Variants in MCTP2 observed in about 807,000 individuals in gnomAD.
MCTP2 encodes multiple C2 and transmembrane domain-containing protein 2.
In MCTP2, 132 loss-of-function variants were observed where a neutral mutation model predicts 111.6. The ratio of observed to expected loss-of-function variants is 1.18; its 90% CI spans 1.03 to 1.37. MCTP2 has a LOEUF of 1.37. MCTP2 is among the 40% of genes most tolerant of loss of function. The pLI, the probability that MCTP2 is intolerant of heterozygous loss-of-function variation, is 0.00. For synonymous variants in MCTP2, 395 were observed against 387.7 expected (o/e 1.02, Z -0.22); for missense variants, 1,183 against 1,067.9 (o/e 1.11, Z -1.50).
chr15:94,410,086 T>C (rs921176034), intron 17 of MCTP2, among the ~76,000 whole-genome samples: 5 of 152,120 alleles, frequency 3.3e-5, no homozygotes, highest in African/African-American at 1.2e-4. Context: ...GTCATAAGCA[T>C]GGAAATATTT....
intron 14 of MCTP2, among the ~76,000 whole-genome samples, chr15:94,396,143 ATTAT>A (rs1237725552): frequency 1.3e-5 from 2 of 152,186 alleles, no homozygotes; most frequent in Non-Finnish European, 2.9e-5. Context: ...TAAAGACATC[ATTAT>A]TTTATCCAAG....
At chr15:94,278,258 C>G (rs1456979431) in intron 1 of MCTP2, 1 of 152,140 alleles carries the variant, frequency 6.6e-6, no homozygotes, top group Non-Finnish European at 1.5e-5. Context: ...AGTATCAACA[C>G]TTATGGTAAA....
chr15:94,392,750 A>G (rs993471613), intron 14 of MCTP2, among the ~76,000 whole-genome samples: 1 of 152,006 alleles, frequency 6.6e-6, no homozygotes, highest in Non-Finnish European at 1.5e-5. Context: ...TGGGAGACGG[A>G]GGTTGCAGTG....
intron 9 of MCTP2, among the ~76,000 whole-genome samples, chr15:94,357,158 G>C (rs959238783): frequency 6.6e-6 from 1 of 152,156 alleles, no homozygotes; most frequent in Non-Finnish European, 1.5e-5. Context: ...GGAGGCAAGA[G>C]GTTGTGCGCA....
At chr15:94,357,533 A>C (rs1461675492) in intron 9 of MCTP2, among the ~76,000 whole-genome samples, 1 of 151,340 alleles carries the variant, frequency 6.6e-6, no homozygotes, top group African/African-American at 2.4e-5. Flanking sequence ...TTGTGGTCTA[A>C]CAGGGCTTTT....
intron 1 of MCTP2, among the ~76,000 whole-genome samples, chr15:94,249,604 G>A (rs1335360783): frequency 6.6e-6 from 1 of 151,822 alleles, no homozygotes; most frequent in African/African-American, 2.4e-5. Flanking sequence ...TCCTGCCTCA[G>A]CCTCTTGAGT....
intron 13 of MCTP2, among the ~76,000 whole-genome samples, chr15:94,384,915 C>T (rs925508627): frequency 6.6e-6 from 1 of 152,138 alleles, no homozygotes; most frequent in African/African-American, 2.4e-5. Context: ...TTCATTGTCC[C>T]TGGTATCTGG....
chr15:94,471,260 C>G (rs527473251), intron 21 of MCTP2, among the ~76,000 whole-genome samples: 1 of 152,060 alleles, frequency 6.6e-6, no homozygotes, highest in Non-Finnish European at 1.5e-5. Flanking sequence ...CTATGACTGC[C>G]GATGAATTCT....
In MCTP2 at chr15:94,332,123, A is replaced by G. The variant is rs539005898; in HGVS notation, c.638-7167A>G. Among the ~76,000 whole-genome samples, 154 of 152,284 alleles carry G rather than the reference A, an allele frequency of 1.0e-3. 1 individual carries two copies. Among genetic ancestry groups the G allele is most frequent in the African/African-American group, 3.5e-3 (147 of 41,548 alleles). On this transcript the variant is annotated intron_variant, in intron 4 of 22. Transcript: ENST00000357742. ...ATGGGAGAAGTTCCTTCTTTCTCAG[A>G]TGGCCGAGGAAAAATGTCCTGTAAA...
chr15:94,404,178 T>TG (rs2081770640), intron 17 of MCTP2, among the ~76,000 whole-genome samples: 1 of 152,066 alleles, frequency 6.6e-6, no homozygotes, highest in African/African-American at 2.4e-5. Flanking sequence ...TATTAAAAGT[T>TG]GTTTTTTTAT....
chr15:94,476,836 A>T (rs755666240), intron 22 of MCTP2, 43 bp downstream of exon 22: 1 of 1,158,406 alleles, frequency 8.6e-7, no homozygotes, highest in Non-Finnish European at 1.3e-6. Flanking sequence ...CCCAACCTGA[A>T]ATCTGGCCAG....
At chr15:94,285,656 T>C (rs1157718357) in intron 1 of MCTP2, among the ~76,000 whole-genome samples, 1 of 152,220 alleles carries the variant, frequency 6.6e-6, no homozygotes, top group East Asian at 1.9e-4. Context: ...AAAGTGGATG[T>C]GTAAGTGTCT....
intron 1 of MCTP2, among the ~76,000 whole-genome samples, chr15:94,279,515 A>C (rs760529550): frequency 6.6e-6 from 1 of 152,088 alleles, no homozygotes; most frequent in African/African-American, 2.4e-5. Flanking sequence ...GGCTTTGAGC[A>C]GGGACTATGG....
chr15:94,345,021 C>G, intron 7 of MCTP2, 108 bp from the exon 8 acceptor site: 1 of 1,260,062 alleles, frequency 7.9e-7, no homozygotes, highest in Admixed American at 2.0e-5. Context: ...TATTAATTAT[C>G]TGAATGTAAC....
intron 2 of MCTP2, among the ~76,000 whole-genome samples, chr15:94,304,037 T>A (rs1057354944): frequency 2.0e-5 from 3 of 152,242 alleles, no homozygotes; most frequent in Non-Finnish European, 2.9e-5. Context: ...AGACATGTAC[T>A]AACTGTCCAG....
At chr15:94,274,976 A>C (rs1205969747) in intron 1 of MCTP2, among the ~76,000 whole-genome samples, 1 of 152,212 alleles carries the variant, frequency 6.6e-6, no homozygotes, top group Non-Finnish European at 1.5e-5. Flanking sequence ...GTGTTATCCC[A>C]GTGGAATTTA....
intron 1 of MCTP2, among the ~76,000 whole-genome samples, chr15:94,241,615 A>C (rs2070963436): frequency 6.6e-6 from 1 of 152,154 alleles, no homozygotes; most frequent in African/African-American, 2.4e-5. Context: ...AGAATAGTAT[A>C]GAACAATATT....
At chr15:94,307,662 T>C (rs2075949553) in intron 2 of MCTP2, among the ~76,000 whole-genome samples, 1 of 152,216 alleles carries the variant, frequency 6.6e-6, no homozygotes, top group East Asian at 1.9e-4. Context: ...GAAGGAATCG[T>C]TGGCACACGG....
intron 19 of MCTP2, among the ~76,000 whole-genome samples, chr15:94,444,693 C>T (rs567756956): frequency 6.6e-6 from 1 of 152,288 alleles, no homozygotes; most frequent in Admixed American, 6.5e-5. Flanking sequence ...TAGGAAACTC[C>T]AGGAATTTTA....
Sources: allele counts gnomAD v4.1 joint callset (sites outside exome capture counted in the v4.1 genomes callset), GRCh38; gene constraint gnomAD v4.1.1; transcripts MANE v1.5; gene names NCBI Gene and HGNC (gene_info 2026-07-23, HGNC 2026-07-21).